VRK2: variants seen among roughly 807,000 people sequenced by gnomAD.
The protein encoded by VRK2 is VRK serine/threonine kinase 2.
VRK2 carries 60 observed loss-of-function variants against 57.6 expected under a neutral mutation model. The observed-to-expected ratio is 1.04, with a 90% CI of 0.85 to 1.29. The LOEUF (loss-of-function observed/expected upper bound fraction) is 1.29, where lower values mean the gene tolerates loss of function less well. VRK2 is among the 50% of genes most tolerant of loss of function. The probability of loss-of-function intolerance (pLI) is 0.00; values close to 1 mark genes in which losing one functional copy is unlikely to be tolerated. For missense variants in VRK2, 705 were observed against 588.1 expected, an observed-to-expected ratio of 1.20 and a Z score of -2.06; for synonymous variants, 231 against 199.2, an observed-to-expected ratio of 1.16 and a Z score of -1.35.
intron 1 of VRK2, among the ~76,000 whole-genome samples, chr2:57,962,861 A>G (rs1048825454): frequency 3.9e-5 from 6 of 152,212 alleles, no homozygotes; most frequent in Non-Finnish European, 7.4e-5. Flanking sequence ...ATTTACACCT[A>G]TAAATTGCAC....
chr2:58,058,886 C>T (rs947387344), intron 2 of VRK2, among the ~76,000 whole-genome samples: 2 of 151,948 alleles, frequency 1.3e-5, no homozygotes, highest in Non-Finnish European at 2.9e-5. Flanking sequence ...TGGTCCCTGC[C>T]CTACTGATGT....
At chr2:58,106,793 CTA>C (rs939288688) in intron 7 of VRK2, among the ~76,000 whole-genome samples, 2 of 151,988 alleles carry the variant, frequency 1.3e-5, no homozygotes, top group African/African-American at 4.8e-5. Context: ...AAAAGATAAA[CTA>C]TAGTTTTGAA....
intron 1 of VRK2, among the ~76,000 whole-genome samples, chr2:58,015,858 T>A (rs1052171585): frequency 1.3e-5 from 2 of 152,194 alleles, no homozygotes; most frequent in Non-Finnish European, 2.9e-5. Flanking sequence ...TTATTACATA[T>A]GAAGTTCTTG....
At chr2:58,001,857 T>C (rs1558534539) in intron 1 of VRK2, among the ~76,000 whole-genome samples, 1 of 151,994 alleles carries the variant, frequency 6.6e-6, no homozygotes, top group Non-Finnish European at 1.5e-5. Flanking sequence ...ATAATAATAA[T>C]ATGAGTCATT....
At chr2:58,015,457 T>C (rs1243550452) in intron 1 of VRK2, among the ~76,000 whole-genome samples, 1 of 152,128 alleles carries the variant, frequency 6.6e-6, no homozygotes, top group Non-Finnish European at 1.5e-5. Context: ...GGAAAATCGG[T>C]TGAGAATTCA....
chr2:57,933,505 G>A (rs543991386), intron 1 of VRK2, among the ~76,000 whole-genome samples: 7 of 150,910 alleles, frequency 4.6e-5, no homozygotes, highest in African/African-American at 9.7e-5. Flanking sequence ...TAGAGACAGG[G>A]TTTCACCCTG....
In VRK2 at chr2:58,159,551, C is replaced by CAGACTT. The variant is rs773044448; in HGVS notation, c.1389_1394dup (p.Asp463_Leu464dup). The CAGACTT allele has an allele frequency of 5.6e-6, 9 of 1,613,818 alleles. No homozygotes were observed. In the South Asian group the frequency reaches 8.8e-5, roughly 16 times the overall value. ...ACTTCCACAGTCAGCACGGGGATCA[C>CAGACTT]AGACTTAGAAAGTTCAACTGGACTT... On this transcript the variant is annotated inframe_insertion, in exon 13 of 13. Transcript: ENST00000340157.
intron 1 of VRK2, among the ~76,000 whole-genome samples, chr2:57,946,669 A>G (rs181291022): frequency 6.6e-6 from 1 of 152,284 alleles, no homozygotes; most frequent in East Asian, 1.9e-4. Flanking sequence ...ATCCAAGAAG[A>G]CATCAAACAA....
chr2:58,100,150 G>A (rs557116501), intron 7 of VRK2, among the ~76,000 whole-genome samples: 8 of 151,896 alleles, frequency 5.3e-5, no homozygotes, highest in South Asian at 4.1e-4. Flanking sequence ...CATTAAATCC[G>A]CTTGTTTACT....
At chr2:57,968,626 T>C (rs1341107765) in intron 1 of VRK2, among the ~76,000 whole-genome samples, 1 of 152,092 alleles carries the variant, frequency 6.6e-6, no homozygotes, top group Non-Finnish European at 1.5e-5. Context: ...ATCGATGTTA[T>C]CAGAGAATAT....
chr2:58,048,911 A>G lies in VRK2; in HGVS notation c.80A>G (p.Asn27Ser), dbSNP rs374589546. 4 of 1,614,054 alleles carry G rather than the reference A, an allele frequency of 2.5e-6. No individual in the cohort carries two copies. Among genetic ancestry groups the G allele is most frequent in the South Asian group, 1.1e-5 (1 of 91,082 alleles). ...EGKVLDDMEGNQWVLGKKIGS... is the reference protein window; with the variant it reads ...EGKVLDDMEGSQWVLGKKIGS... ...AAGGTTCTGGATGATATGGAAGGCA[A>G]TCAGTGGGTACTGGGCAAGAAGATT... The change falls in exon 2 of 13, where the codon AAT becomes AGT. Residue 27 changes from asparagine to serine, a missense_variant. By Grantham distance (46) the Asn-to-Ser change is conservative. Transcript: ENST00000340157.
At chr2:57,927,065 C>T (rs1286872661) in intron 1 of VRK2, among the ~76,000 whole-genome samples, 5 of 143,666 alleles carry the variant, frequency 3.5e-5, no homozygotes, top group Non-Finnish European at 6.0e-5. Context: ...CAGGAGGCTT[C>T]TGAATAATAT....
chr2:58,023,345 ATG>A (rs1673822187), intron 1 of VRK2, among the ~76,000 whole-genome samples: 1 of 152,182 alleles, frequency 6.6e-6, no homozygotes, highest in African/African-American at 2.4e-5. Flanking sequence ...TTGTGTGTAT[ATG>A]TGTGTGTTTG....
At chr2:58,000,895 T>C (rs1233245275) in intron 1 of VRK2, among the ~76,000 whole-genome samples, 1 of 152,250 alleles carries the variant, frequency 6.6e-6, no homozygotes, top group Non-Finnish European at 1.5e-5. Context: ...GCTTCTGTGA[T>C]GACTCTGTAC....
intron 1 of VRK2, among the ~76,000 whole-genome samples, chr2:58,006,207 A>C (rs1282325307): frequency 6.6e-6 from 1 of 152,198 alleles, no homozygotes; most frequent in Non-Finnish European, 1.5e-5. Flanking sequence ...GTGAAAGGCA[A>C]ATAATGTTGG....
At chr2:57,919,984 T>C (rs1279686771) in intron 1 of VRK2, among the ~76,000 whole-genome samples, 2 of 152,124 alleles carry the variant, frequency 1.3e-5, no homozygotes, top group Non-Finnish European at 2.9e-5. Flanking sequence ...TAATTAACCA[T>C]CTACTCAGTA....
intron 1 of VRK2, among the ~76,000 whole-genome samples, chr2:57,958,454 TATATACATGTATATATAC>T (rs1338248999): frequency 6.6e-6 from 1 of 150,546 alleles, no homozygotes; most frequent in African/African-American, 2.5e-5. Flanking sequence ...TATTTGTATA[TATATACATGTATATATAC>T]ACACACACAT....
At chr2:58,048,737 C>T in intron 1 of VRK2, 90 bp from the exon 2 acceptor site, 7 of 1,523,516 alleles carry the variant, frequency 4.6e-6, no homozygotes, top group Admixed American at 2.2e-5. Flanking sequence ...GGGAAAGTTC[C>T]CTATTGAAGA....
chr2:58,085,087 T>TA, intron 4 of VRK2, 137 bp downstream of exon 4: 6 of 694,872 alleles, frequency 8.6e-6, no homozygotes, highest in Non-Finnish European at 1.4e-5. Flanking sequence ...AGTTAACTGT[T>TA]ACAACATATA....
Sources: allele counts gnomAD v4.1 joint callset (sites outside exome capture counted in the v4.1 genomes callset), GRCh38; gene constraint gnomAD v4.1.1; transcripts MANE v1.5; gene names NCBI Gene and HGNC (gene_info 2026-07-23, HGNC 2026-07-21).